Variants in MCM3AP observed in about 807,000 individuals in gnomAD.
The protein encoded by MCM3AP is minichromosome maintenance complex component 3 associated protein.
In MCM3AP, 126 loss-of-function variants were observed where a neutral mutation model predicts 184.1. That is an observed-to-expected ratio of 0.68 (90% CI 0.59 to 0.79). The LOEUF is 0.79. Among genes scored for constraint, MCM3AP ranks in the 30% least tolerant of loss-of-function variants. MCM3AP has a pLI of 0.00. For synonymous variants in MCM3AP, 1,002 were observed against 979.3 expected, an observed-to-expected ratio of 1.02 and a Z score of -0.43; for missense variants, 2,496 against 2,479.2, an observed-to-expected ratio of 1.01 and a Z score of -0.14.
intron 4 of MCM3AP, among the ~76,000 whole-genome samples, chr21:46,279,218 G>A (rs1445575846): frequency 6.6e-6 from 1 of 151,808 alleles, no homozygotes; most frequent in African/African-American, 2.4e-5. Flanking sequence ...AACCCAGGAG[G>A]CAGAGGTTGC....
At chr21:46,261,791 A>G (rs931196756) in intron 13 of MCM3AP, among the ~76,000 whole-genome samples, 25 of 151,760 alleles carry the variant, frequency 1.6e-4, no homozygotes, top group Admixed American at 4.6e-4. Flanking sequence ...TTGACAAGGG[A>G]AAAAAAACAC....
chr21:46,270,179 A>G, intron 9 of MCM3AP: 1 of 400,068 alleles, frequency 2.5e-6, no homozygotes, highest in Non-Finnish European at 4.4e-6. Context: ...TATTTGAACC[A>G]TGGAACAGTA....
Position 46,284,920 on chromosome 21 carries a change from T to C in MCM3AP, c.367A>G (p.Ser123Gly), listed in dbSNP as rs775685484. 3.7e-6 allele frequency: 6 copies of C among 1,614,086 alleles called. No homozygotes were observed. The highest frequency in any genetic ancestry group is 3.4e-6 in the Non-Finnish European group (4 of 1,180,040). Reference protein sequence around the residue: ...KSPTSVGAFPSTSAFGQEAGE... With the variant: ...KSPTSVGAFPGTSAFGQEAGE... Reference sequence around the variant, plus strand: ...GCTTCTTGTCCAAAAGCAGAAGTGCTTGGGAAAGCCCCAACACTGGTGGGT... The same window carrying C: ...GCTTCTTGTCCAAAAGCAGAAGTGCCTGGGAAAGCCCCAACACTGGTGGGT... The change falls in exon 1 of 28, where the codon AGC becomes GGC. Residue 123 changes from serine to glycine, a missense_variant. Ser to Gly is a moderately conservative substitution (Grantham distance 56, BLOSUM62 0). Coordinates refer to ENST00000291688, the MANE Select transcript of MCM3AP (RefSeq NM_003906.5).
At chr21:46,241,115 G>C (rs2080656793) in intron 25 of MCM3AP, 98 bp from the exon 26 acceptor site, 1 of 866,870 alleles carries the variant, frequency 1.2e-6, no homozygotes, top group Non-Finnish European at 1.9e-6. Context: ...GCATTAACAT[G>C]TAAGAACATG....
Position 46,284,049 on chromosome 21 carries a change from C to G in MCM3AP, c.1219+19G>C, listed in dbSNP as rs776524089. 1 of 1,604,476 alleles carries G rather than the reference C, an allele frequency of 6.2e-7. No homozygotes were observed. Among genetic ancestry groups the G allele is most frequent in the South Asian group, 1.1e-5 (1 of 89,846 alleles). ...CTGCCTGCAGGATTTACTCTATGTG[C>G]TACATTTTCAGAGCTCACCTTCTTT... On this transcript the variant is annotated intron_variant, in intron 1 of 27. Transcript: ENST00000291688.
Position 46,243,327 on chromosome 21 carries a change from G to A in MCM3AP, c.5296+138C>T, listed in dbSNP as rs148920547. The A allele has an allele frequency of 1.9e-4, 198 of 1,051,494 alleles. 1 individual carries two copies. The African/African-American group carries it at 2.8e-3, about 15-fold the overall frequency. 65.1% of individuals were successfully genotyped at this position (1,051,494 alleles called of 1,614,324 possible). On this transcript the variant is annotated intron_variant, in intron 24 of 27. Coordinates refer to ENST00000291688, the MANE Select transcript of MCM3AP (RefSeq NM_003906.5). Reference sequence around the variant, plus strand: ...CTCAATGTTTTTAAGTCACTCACTTGAAGAGGGAAGTCCTAAGGAAAGGAA... The same window carrying A: ...CTCAATGTTTTTAAGTCACTCACTTAAAGAGGGAAGTCCTAAGGAAAGGAA...
intron 26 of MCM3AP, among the ~76,000 whole-genome samples, chr21:46,240,398 T>G (rs2080639256): frequency 6.6e-6 from 1 of 151,814 alleles, no homozygotes; most frequent in South Asian, 2.1e-4. Context: ...GGGAGGGAAG[T>G]GGGCAATGTA....
At chr21:46,251,803 A>AATACCAC (rs2080873829) in intron 19 of MCM3AP, 121 bp from the exon 20 acceptor site, 1 of 582,390 alleles carries the variant, frequency 1.7e-6, no homozygotes, top group African/African-American at 1.9e-5. Context: ...TAGGTCCACA[A>AATACCAC]ATACCACATC....
Position 46,243,483 on chromosome 21 carries a change from G to C in MCM3AP, c.5278C>G (p.Arg1760Gly), listed in dbSNP as rs762013245. The C allele has an allele frequency of 2.5e-6, 4 of 1,609,092 alleles. No individual in the cohort carries two copies. Among genetic ancestry groups the C allele is most frequent in the South Asian group, 1.1e-5 (1 of 90,580 alleles). The change falls in exon 24 of 28, where the codon CGG (arginine) becomes GGG (glycine). Residue 1760 changes from arginine (R) to glycine (G), a missense_variant. Arg to Gly is a moderately radical substitution (Grantham distance 125, BLOSUM62 -2). Coordinates refer to ENST00000291688, the MANE Select transcript of MCM3AP (RefSeq NM_003906.5). ...TAATTACCTGATGTAACAGGAAGCCGGGGGGGCGTCCAGTCTCTCAGCTTG... is the reference window on the plus strand; with the variant it reads ...TAATTACCTGATGTAACAGGAAGCCCGGGGGGCGTCCAGTCTCTCAGCTTG... ...NHKLRDWTPPRLPVTSEALSE... is the reference protein window; with the variant it reads ...NHKLRDWTPPGLPVTSEALSE...
At chr21:46,257,162 A>G (rs1256039290) in intron 16 of MCM3AP, among the ~76,000 whole-genome samples, 176 bp from the exon 17 acceptor site, 1 of 152,252 alleles carries the variant, frequency 6.6e-6, no homozygotes, top group Non-Finnish European at 1.5e-5. Context: ...TGACTTGGCA[A>G]TATGGATACA....
At chr21:46,260,156 T>G (rs968112660) in intron 15 of MCM3AP, among the ~76,000 whole-genome samples, 2 of 126,182 alleles carry the variant, frequency 1.6e-5, no homozygotes, top group Admixed American at 8.5e-5. Context: ...CTTTAATACT[T>G]AAACTACAGA....
At chr21:46,274,251 T>G (rs1370197807) in intron 6 of MCM3AP, among the ~76,000 whole-genome samples, 2 of 152,258 alleles carry the variant, frequency 1.3e-5, no homozygotes, top group African/African-American at 4.8e-5. Context: ...GGATCTATAT[T>G]GGTGCAGCTT....
Position 46,254,461 on chromosome 21 carries a change from T to A in MCM3AP, c.4067A>T (p.Glu1356Val). Residue 1356 changes from glutamate to valine, a missense_variant, in exon 19 of 28, where the codon GAG (glutamate) becomes GTG (valine). Around this residue, in one of 5 missense-constraint regions of MCM3AP, gnomAD observed 1,323 missense variants for 1,273.4 expected, o/e 1.04. Coordinates refer to ENST00000291688, the MANE Select transcript of MCM3AP (RefSeq NM_003906.5). ...LVAEHLPGRQ[E>V]HVFWKLVLVL... ...CAGCACCAGCTTCCAAAACACATGC[T>A]CCTGCCTCCCAGGGAGGTGCTCAGC... 1 of 1,614,038 alleles carries A rather than the reference T, an allele frequency of 6.2e-7. No homozygotes were observed.
rs776524089 is a variant in MCM3AP at position 46,284,049 on chromosome 21, C to T, written c.1219+19G>A. 10 of 1,604,358 alleles carry T rather than the reference C, an allele frequency of 6.2e-6. No individual in the cohort carries two copies. In the South Asian group the frequency reaches 8.9e-5, roughly 14 times the overall value. On this transcript the variant is annotated intron_variant, in intron 1 of 27. Coordinates refer to ENST00000291688, the MANE Select transcript of MCM3AP (RefSeq NM_003906.5). ...CTGCCTGCAGGATTTACTCTATGTG[C>T]TACATTTTCAGAGCTCACCTTCTTT...
chr21:46,236,898 AG>A lies in MCM3AP; in HGVS notation c.5714del (p.Pro1905LeufsTer4). ...TGTGAGAAAGAGACACTAGAGTCTG[AG>A]GAAGATAGAGGGGAAGGGAAGTTAA... is the stretch of plus-strand genomic sequence containing the variant. Reference protein sequence around the residue: ...TDLTSLPLYLPQTLVSLSHTI... With the variant: ...TDLTSLPLYLXQTLVSLSHTI... On this transcript the variant is annotated frameshift_variant, in exon 27 of 28. Transcript: ENST00000291688. LOFTEE classifies it high-confidence loss of function. 1 of 1,565,510 alleles carries A rather than the reference AG, an allele frequency of 6.4e-7. No homozygotes were observed. Among genetic ancestry groups the A allele is most frequent in the Non-Finnish European group, 8.6e-7 (1 of 1,161,032 alleles).
At chr21:46,275,092 T>C (rs989822482) in intron 6 of MCM3AP, 94 bp downstream of exon 6, 24 of 1,376,018 alleles carry the variant, frequency 1.7e-5, no homozygotes, top group East Asian at 5.2e-5. Flanking sequence ...TACCCAACAC[T>C]GTCTAAAACA....
At position 46,280,010 on chromosome 21, in the gene MCM3AP, G is replaced by A. The variant is rs1601545948; in HGVS notation, c.1650C>T (p.Ser550=). The part of the protein sequence containing the change: ...LGKAAGRTGA[S]SLLNKSSPVK... The stretch of plus-strand genomic sequence containing the variant: ...GATCCCACCTTTTATTCAGGAGGCT[G>A]CTAGCACCAGTCCTCCCTGCGGCCT... Residue 550 remains serine (S), a synonymous_variant, in exon 4 of 28, where the codon AGC becomes AGT. Coordinates refer to ENST00000291688, the MANE Select transcript of MCM3AP (RefSeq NM_003906.5). The A allele has an allele frequency of 6.2e-7, 1 of 1,613,140 alleles. No homozygotes were observed.
At chr21:46,282,579 C>T (rs2081347273) in intron 2 of MCM3AP, among the ~76,000 whole-genome samples, 1 of 152,018 alleles carries the variant, frequency 6.6e-6, no homozygotes, top group Non-Finnish European at 1.5e-5. Flanking sequence ...CCGAGGCAGG[C>T]AGATCGTGAG....
chr21:46,267,766 A>C (rs2081132045), intron 9 of MCM3AP: 1 of 152,386 alleles, frequency 6.6e-6, no homozygotes, highest in African/African-American at 2.4e-5. Context: ...GCTTGGTGGC[A>C]TGCACCTGTG....
Sources: allele counts gnomAD v4.1 joint callset (sites outside exome capture counted in the v4.1 genomes callset), GRCh38; gene constraint gnomAD v4.1.1; regional missense constraint gnomAD v4.1.1; transcripts MANE v1.5; gene names NCBI Gene and HGNC (gene_info 2026-07-23, HGNC 2026-07-21).